Variants in FMNL2 observed in about 807,000 individuals in gnomAD.
FMNL2 encodes formin like 2.
A neutral mutation model predicts 130.2 loss-of-function variants in FMNL2; 51 were observed. The ratio of observed to expected loss-of-function variants is 0.39; its 90% CI spans 0.31 to 0.49. The LOEUF (loss-of-function observed/expected upper bound fraction) is 0.49. Among genes scored for constraint, FMNL2 ranks in the 20% least tolerant of loss-of-function variants. The pLI is 0.85. For synonymous variants in FMNL2, 465 were observed against 467.1 expected (o/e 1.00, Z 0.06); for missense variants, 977 against 1,316.2 (o/e 0.74, Z 3.99).
chr2:152,610,354 G>T (rs944710112), intron 10 of FMNL2, among the ~76,000 whole-genome samples: 2 of 151,908 alleles, frequency 1.3e-5, no homozygotes, highest in African/African-American at 2.4e-5. Context: ...TTATAATCCA[G>T]TGCCTATTTA....
At chr2:152,604,057 G>A (rs1268901792) in intron 9 of FMNL2, among the ~76,000 whole-genome samples, 1 of 150,972 alleles carries the variant, frequency 6.6e-6, no homozygotes, top group Non-Finnish European at 1.5e-5. Context: ...ATTTTTCGAG[G>A]TTCCATGGAA....
At chr2:152,509,834 C>G (rs1692400192) in intron 1 of FMNL2, among the ~76,000 whole-genome samples, 1 of 143,108 alleles carries the variant, frequency 7.0e-6, no homozygotes, top group South Asian at 2.2e-4. Context: ...CAGCCTCGAG[C>G]TCATGGCTCA....
chr2:152,479,146 C>T (rs1366701790), intron 1 of FMNL2, among the ~76,000 whole-genome samples: 5 of 151,998 alleles, frequency 3.3e-5, no homozygotes, highest in Admixed American at 6.6e-5. Context: ...TGTTTTGAGA[C>T]GGTGTCTCAC....
At chr2:152,431,403 A>T (rs1036333395) in intron 1 of FMNL2, among the ~76,000 whole-genome samples, 1 of 152,216 alleles carries the variant, frequency 6.6e-6, no homozygotes, top group African/African-American at 2.4e-5. Context: ...AACTGGTTGC[A>T]TGTACATGGT....
intron 2 of FMNL2, among the ~76,000 whole-genome samples, chr2:152,541,045 GT>G (rs1558948857): frequency 2.0e-5 from 3 of 152,170 alleles, no homozygotes; most frequent in African/African-American, 4.8e-5. Context: ...AAAAAATTCC[GT>G]TGTGGAGTAA....
At chr2:152,482,068 G>C (rs1475802476) in intron 1 of FMNL2, among the ~76,000 whole-genome samples, 1 of 152,192 alleles carries the variant, frequency 6.6e-6, no homozygotes, top group Non-Finnish European at 1.5e-5. Flanking sequence ...GTAGAGCCTT[G>C]TTAGGGACCC....
intron 1 of FMNL2, among the ~76,000 whole-genome samples, chr2:152,457,073 A>T (rs1558878998): frequency 6.6e-6 from 1 of 152,132 alleles, no homozygotes; most frequent in Admixed American, 6.5e-5. Flanking sequence ...CGAAGAATGG[A>T]GTTGACTGTT....
intron 1 of FMNL2, among the ~76,000 whole-genome samples, chr2:152,336,757 C>T (rs1681487974): frequency 6.6e-6 from 1 of 152,160 alleles, no homozygotes; most frequent in Non-Finnish European, 1.5e-5. Context: ...AGATTGGGCT[C>T]ATTCCTACTC....
intron 2 of FMNL2, among the ~76,000 whole-genome samples, chr2:152,541,000 A>G (rs991688090): frequency 8.5e-5 from 13 of 152,210 alleles, no homozygotes; most frequent in African/African-American, 1.4e-4. Flanking sequence ...AAACAAATGC[A>G]TGCACATGCT....
At chr2:152,495,834 G>A (rs1409313806) in intron 1 of FMNL2, among the ~76,000 whole-genome samples, 1 of 151,882 alleles carries the variant, frequency 6.6e-6, no homozygotes, top group Non-Finnish European at 1.5e-5. Context: ...GACGTGGATA[G>A]CTGTTCTGAT....
intron 9 of FMNL2, among the ~76,000 whole-genome samples, chr2:152,598,379 T>G (rs1336992365): frequency 2.6e-5 from 4 of 152,148 alleles, no homozygotes; most frequent in Admixed American, 2.6e-4. Context: ...CATGTAATCC[T>G]CAGGTGGCTA....
intron 17 of FMNL2, 48 bp from the exon 18 acceptor site, chr2:152,628,251 G>A (rs1322649679): frequency 1.3e-6 from 2 of 1,502,298 alleles, no homozygotes; most frequent in Non-Finnish European, 1.9e-6. Flanking sequence ...TGAAAAGGGG[G>A]TAGGAGGTTT....
At chr2:152,523,317 T>C (rs1275385302) in intron 2 of FMNL2, among the ~76,000 whole-genome samples, 3 of 152,154 alleles carry the variant, frequency 2.0e-5, no homozygotes, top group Admixed American at 6.5e-5. Flanking sequence ...CAGAGACAGA[T>C]TTGTGGCCTG....
At chr2:152,355,180 G>A (rs1156317544) in intron 1 of FMNL2, among the ~76,000 whole-genome samples, 1 of 152,124 alleles carries the variant, frequency 6.6e-6, no homozygotes, top group Non-Finnish European at 1.5e-5. Context: ...TTTTGGCGGG[G>A]TGCTAGACGT....
At chr2:152,533,574 T>A (rs2105454111) in intron 2 of FMNL2, among the ~76,000 whole-genome samples, 1 of 148,282 alleles carries the variant, frequency 6.7e-6, no homozygotes, top group Admixed American at 6.7e-5. Flanking sequence ...TTTTGCTAAA[T>A]TATTTTGGCT....
chr2:152,589,103 G>C (rs902155177), intron 9 of FMNL2, among the ~76,000 whole-genome samples: 1 of 113,294 alleles, frequency 8.8e-6, no homozygotes, highest in African/African-American at 4.3e-5. Flanking sequence ...TCCTGGGGGA[G>C]CTTAAAAAAA....
intron 2 of FMNL2, among the ~76,000 whole-genome samples, chr2:152,536,721 G>C (rs1227626682): frequency 2.0e-5 from 3 of 152,150 alleles, no homozygotes; most frequent in Non-Finnish European, 4.4e-5. Flanking sequence ...AAACTCAACA[G>C]TGTGTGCCCT....
chr2:152,646,735 A>AT (rs1261901172), intron 25 of FMNL2, among the ~76,000 whole-genome samples: 8 of 152,220 alleles, frequency 5.3e-5, no homozygotes, highest in East Asian at 1.9e-4. Context: ...TAAAGATAGC[A>AT]TGTATTCTAG....
At chr2:152,642,142 G>A (rs113539315) in intron 25 of FMNL2, among the ~76,000 whole-genome samples, 4,094 of 152,072 alleles carry the variant, frequency 0.027, 179 homozygotes, top group African/African-American at 0.094. Flanking sequence ...GGGTTTCACC[G>A]TGTTAGCCAG....
Sources: allele counts gnomAD v4.1 joint callset (sites outside exome capture counted in the v4.1 genomes callset), GRCh38; gene constraint gnomAD v4.1.1; transcripts MANE v1.5; gene names NCBI Gene and HGNC (gene_info 2026-07-23, HGNC 2026-07-21).